Variants in NAT10 observed in about 807,000 individuals in gnomAD.
NAT10 encodes N-acetyltransferase 10.
Under a neutral mutation model 132.2 loss-of-function variants are expected in NAT10, and 109 were observed. The ratio of observed to expected loss-of-function variants is 0.82; its 90% confidence interval spans 0.71 to 0.97. NAT10 has a LOEUF of 0.97. NAT10 is among the 50% of genes least tolerant of loss of function. The probability of loss-of-function intolerance (pLI) is 0.00; values close to 1 mark genes in which losing one functional copy is unlikely to be tolerated. For missense variants in NAT10, 1,184 were observed against 1,263.4 expected, an observed-to-expected ratio of 0.94 and a Z score of 0.95; for synonymous variants, 479 against 478.0, an observed-to-expected ratio of 1.00 and a Z score of -0.03.
intron 20 of NAT10, 33 bp downstream of exon 20, chr11:34,136,808 C>A (rs1374586769): frequency 1.2e-6 from 2 of 1,613,918 alleles, no homozygotes; most frequent in African/African-American, 2.7e-5. Context: ...CGGCATCACT[C>A]CTTGGCATTG....
Position 34,132,115 on chromosome 11 carries a change from C to T in NAT10, c.1521-10C>T, listed in dbSNP as rs1852116977. On this transcript the variant is annotated splice_polypyrimidine_tract_variant and intron_variant, in intron 14 of 28. Transcript: ENST00000257829. ...TTTGTTTTGTTTTGGTTTCTTAACT[C>T]CAGACCCAGGTACTATGTTAATAGA... The T allele has an allele frequency of 6.2e-7, 1 of 1,607,106 alleles. No individual in the cohort carries two copies. Among genetic ancestry groups the T allele is most frequent in the Non-Finnish European group, 8.5e-7 (1 of 1,173,788 alleles).
In NAT10 at chr11:34,139,202, C is replaced by G. The variant is rs201322811; in HGVS notation, c.2223C>G (p.Thr741=). ...VYLRQTPNDL[T]GEHSCIMLKT... is the part of the protein sequence containing the mutation. Reference sequence around the variant, plus strand: ...TCTGTGTTGCCCAGAATGACCTGACCGGAGAGCACTCGTGCATCATGCTGA... The same window carrying G: ...TCTGTGTTGCCCAGAATGACCTGACGGGAGAGCACTCGTGCATCATGCTGA... Residue 741 remains threonine, a synonymous_variant, in exon 22 of 29, where the codon ACC becomes ACG. Coordinates refer to ENST00000257829, the MANE Select transcript of NAT10 (RefSeq NM_024662.3). 4.2e-5 allele frequency: 68 copies of G among 1,613,748 alleles called. No individual in the cohort carries two copies. Among genetic ancestry groups the G allele is most frequent in the Non-Finnish European group, 5.5e-5 (65 of 1,179,872 alleles).
rs1359108339 is a variant in NAT10, at chr11:34,139,260, G to A, written c.2281G>A (p.Gly761Arg). Residue 761 changes from glycine (G) to arginine (R), a missense_variant, in exon 22 of 29, where the codon GGA becomes AGA. By Grantham distance (125) the Gly-to-Arg change is moderately radical (BLOSUM62 -2). Coordinates refer to ENST00000257829, the MANE Select transcript of NAT10 (RefSeq NM_024662.3). The stretch of plus-strand genomic sequence containing the variant: ...CACTGATGAGGATGAGGCTGACCAG[G>A]GAGGCTGGCTTGCAGCCTTCTGGAA... ...TLTDEDEADQ[G>R]GWLAAFWKDF... is the part of the protein sequence containing the mutation. The A allele has an allele frequency of 1.6e-5, 26 of 1,614,044 alleles. No individual in the cohort carries two copies. The highest frequency in any genetic ancestry group is 2.2e-5 in the Non-Finnish European group (26 of 1,180,028).
chr11:34,114,739 C>G (rs1001534232), intron 5 of NAT10, among the ~76,000 whole-genome samples: 1 of 152,216 alleles, frequency 6.6e-6, no homozygotes, highest in Non-Finnish European at 1.5e-5. Flanking sequence ...TCCTCACACC[C>G]TGTTTACAGT....
chr11:34,134,683 C>G, intron 18 of NAT10, 97 bp downstream of exon 18: 1 of 895,548 alleles, frequency 1.1e-6, no homozygotes, highest in Admixed American at 2.0e-5. Flanking sequence ...CAAGCAGAAG[C>G]AAGTGAAGTG....
At chr11:34,106,135 C>T (rs575025102) in intron 1 of NAT10, 2 of 152,660 alleles carry the variant, frequency 1.3e-5, no homozygotes, top group African/African-American at 4.8e-5. Flanking sequence ...CAGGTCTGGG[C>T]ATTATACTTA....
chr11:34,105,769 GGATCCCCC>G lies in NAT10; in HGVS notation c.-37_-30del, dbSNP rs1188367161. ...CGTGCTTCCCCTTCTCCACTGGCTG[GGATCCCCC>G]GGGCTCGGGGCGCAGGTACCCAACG... On this transcript the variant is annotated 5_prime_UTR_variant, in exon 1 of 29. Coordinates refer to ENST00000257829, the MANE Select transcript of NAT10 (RefSeq NM_024662.3). The G allele has an allele frequency of 1.3e-5, 2 of 152,466 alleles. No individual in the cohort carries two copies. The allele number at this position is 152,466 out of a possible 1,614,324, so 9.4% of individuals were successfully genotyped here.
intron 20 of NAT10, 73 bp from the exon 21 acceptor site, chr11:34,136,905 C>T (rs1001325858): frequency 2.5e-6 from 4 of 1,611,066 alleles, no homozygotes; most frequent in East Asian, 2.2e-5. Flanking sequence ...CTTCCTGGCT[C>T]TTGCCCTTGT....
At chr11:34,142,643 AG>A (rs1852358159) in intron 27 of NAT10, among the ~76,000 whole-genome samples, 1 of 152,206 alleles carries the variant, frequency 6.6e-6, no homozygotes, top group Non-Finnish European at 1.5e-5. Flanking sequence ...TTGGATGAGC[AG>A]GCCCTTTAAT....
Position 34,136,995 on chromosome 11 carries a change from G to A in NAT10, c.2180G>A (p.Gly727Glu). The change falls in exon 21 of 29, where the codon GGA becomes GAA. Residue 727 changes from glycine (G) to glutamate (E), a missense_variant. Gly to Glu is a moderately conservative substitution (Grantham distance 98). Coordinates refer to ENST00000257829, the MANE Select transcript of NAT10 (RefSeq NM_024662.3). ...PRLLKFWKRA[G>E]FVPVYLRQTP... ...CTTTGCAGGTTCTGGAAACGAGCTG[G>A]ATTTGTTCCTGTTTATCTGAGACAG... is the stretch of plus-strand genomic sequence containing the variant. The A allele has an allele frequency of 6.2e-7, 1 of 1,614,196 alleles. No individual in the cohort carries two copies. Among genetic ancestry groups the A allele is most frequent in the Non-Finnish European group, 8.5e-7 (1 of 1,180,024 alleles).
Position 34,142,335 on chromosome 11 carries a change from A to C in NAT10, c.2872A>C (p.Met958Leu), listed in dbSNP as rs759596221. Residue 958 changes from methionine to leucine, a missense_variant, in exon 27 of 29, where the codon ATG becomes CTG. Physicochemically the swap from Met to Leu is conservative, Grantham distance 15. Coordinates refer to ENST00000257829, the MANE Select transcript of NAT10 (RefSeq NM_024662.3). The part of the protein sequence containing the change: ...HKKEVGKLKS[M>L]DLSEYIIRGD... ...GAAGGAAGTAGGGAAGCTGAAGAGC[A>C]TGGACCTCTCTGAGTAAGGCTTGTG... 89 of 1,614,002 alleles carry C rather than the reference A, an allele frequency of 5.5e-5. No homozygotes were observed. Among genetic ancestry groups the C allele is most frequent in the Non-Finnish European group, 7.1e-5 (84 of 1,179,972 alleles).
intron 11 of NAT10, among the ~76,000 whole-genome samples, chr11:34,125,378 G>A (rs1350427928): frequency 6.6e-6 from 1 of 152,134 alleles, no homozygotes; most frequent in Non-Finnish European, 1.5e-5. Context: ...CCTGCCTCGG[G>A]CCTTGCTCCT....
At chr11:34,111,991 T>G in intron 3 of NAT10, 61 bp from the exon 4 acceptor site, 1 of 1,593,082 alleles carries the variant, frequency 6.3e-7, no homozygotes, top group Non-Finnish European at 8.6e-7. Flanking sequence ...TTCCCCTGGT[T>G]CCAGCTCTTT....
At chr11:34,131,947 G>A (rs563188943) in intron 14 of NAT10, among the ~76,000 whole-genome samples, 178 bp from the exon 15 acceptor site, 1 of 152,192 alleles carries the variant, frequency 6.6e-6, no homozygotes, top group Admixed American at 6.5e-5. Context: ...GCCTCCCAAA[G>A]TGCTGGGATT....
At chr11:34,136,603 T>C in intron 19 of NAT10, 39 bp from the exon 20 acceptor site, 1 of 1,613,626 alleles carries the variant, frequency 6.2e-7, no homozygotes, top group African/African-American at 1.3e-5. Flanking sequence ...TCTCTCCCTC[T>C]GCTGAATGGA....
chr11:34,121,591 G>A (rs1283048648), intron 8 of NAT10, among the ~76,000 whole-genome samples: 1 of 151,992 alleles, frequency 6.6e-6, no homozygotes, highest in African/African-American at 2.4e-5. Flanking sequence ...GCCAGGTGTG[G>A]TGGCTCACGC....
At chr11:34,116,363 A>C (rs1301115078) in intron 6 of NAT10, among the ~76,000 whole-genome samples, 1 of 152,174 alleles carries the variant, frequency 6.6e-6, no homozygotes, top group Admixed American at 6.5e-5. Flanking sequence ...CCATAATTTC[A>C]AATATGGTGT....
chr11:34,116,304 T>C (rs1431338758), intron 6 of NAT10, among the ~76,000 whole-genome samples: 3 of 152,156 alleles, frequency 2.0e-5, no homozygotes, highest in Non-Finnish European at 4.4e-5. Flanking sequence ...TGAGATGTAA[T>C]TAGAGGCAGA....
At chr11:34,138,198 C>T (rs775899929) in intron 21 of NAT10, among the ~76,000 whole-genome samples, 1 of 151,928 alleles carries the variant, frequency 6.6e-6, no homozygotes, top group African/African-American at 2.4e-5. Context: ...GGGTGGGACT[C>T]GAGATTCAGG....
Sources: allele counts gnomAD v4.1 joint callset (sites outside exome capture counted in the v4.1 genomes callset), GRCh38; gene constraint gnomAD v4.1.1; transcripts MANE v1.5; gene names NCBI Gene and HGNC (gene_info 2026-07-23, HGNC 2026-07-21).